Variants in PLEKHM3 observed in about 807,000 individuals in gnomAD.
PLEKHM3 encodes pleckstrin homology domain containing M3.
A neutral mutation model predicts 81.8 loss-of-function variants in PLEKHM3; 45 were observed. The ratio of observed to expected loss-of-function variants is 0.55; its 90% CI spans 0.43 to 0.71. The LOEUF is 0.71. PLEKHM3 is among the 30% of genes least tolerant of loss of function. PLEKHM3 has a pLI of 0.00. For missense variants in PLEKHM3, 788 were observed against 924.3 expected, an observed-to-expected ratio of 0.85 and a Z score of 1.91; for synonymous variants, 352 against 356.4, an observed-to-expected ratio of 0.99 and a Z score of 0.14.
intron 7 of PLEKHM3, among the ~76,000 whole-genome samples, chr2:207,834,257 A>G (rs2092305049): frequency 6.7e-6 from 1 of 150,104 alleles, no homozygotes; most frequent in Non-Finnish European, 1.5e-5. Flanking sequence ...AGCCTTCCCA[A>G]GTAGCTGGGA....
chr2:207,865,801 A>AAAATATATATAT, intron 6 of PLEKHM3, among the ~76,000 whole-genome samples: 5 of 25,300 alleles, frequency 2.0e-4, no homozygotes, highest in East Asian at 1.1e-3. Context: ...AAAAAAAAAA[A>AAAATATATATAT]AGATATATAT....
At chr2:207,829,743 A>G (rs2092274595) in intron 7 of PLEKHM3, among the ~76,000 whole-genome samples, 1 of 152,194 alleles carries the variant, frequency 6.6e-6, no homozygotes, top group Non-Finnish European at 1.5e-5. Context: ...TTCAGCCTGC[A>G]GCATTCAGGG....
intron 6 of PLEKHM3, among the ~76,000 whole-genome samples, chr2:207,876,042 A>T (rs1208315402): frequency 3.3e-5 from 5 of 152,234 alleles, no homozygotes; most frequent in Admixed American, 6.5e-5. Context: ...GTCTGATCCC[A>T]TTACAAATAT....
At chr2:207,897,227 C>T (rs1688255094) in intron 6 of PLEKHM3, among the ~76,000 whole-genome samples, 1 of 152,228 alleles carries the variant, frequency 6.6e-6, no homozygotes, top group African/African-American at 2.4e-5. Context: ...GGCCTAGATT[C>T]CCCTACGGAA....
At chr2:207,967,621 C>T (rs563312731) in intron 3 of PLEKHM3, among the ~76,000 whole-genome samples, 14 of 152,272 alleles carry the variant, frequency 9.2e-5, no homozygotes, top group South Asian at 6.2e-4. Flanking sequence ...GAGCAAATAC[C>T]ATTAGGTTGG....
At chr2:207,868,274 A>AT (rs34177402) in intron 6 of PLEKHM3, among the ~76,000 whole-genome samples, 45,468 of 124,472 alleles carry the variant, frequency 0.37, 6,872 homozygotes, top group Middle Eastern at 0.43. Context: ...GCTTATTATT[A>AT]TTTTTTTTTT....
At chr2:207,847,989 G>C (rs1011122166) in intron 7 of PLEKHM3, among the ~76,000 whole-genome samples, 7 of 152,218 alleles carry the variant, frequency 4.6e-5, no homozygotes, top group African/African-American at 1.7e-4. Context: ...TGCCCTGACA[G>C]TGTTTGTTTT....
chr2:207,954,311 G>C (rs1214763679), intron 3 of PLEKHM3, among the ~76,000 whole-genome samples: 1 of 152,116 alleles, frequency 6.6e-6, no homozygotes, highest in Admixed American at 6.5e-5. Flanking sequence ...AGCTATTATT[G>C]TACCACTGCA....
intron 6 of PLEKHM3, among the ~76,000 whole-genome samples, chr2:207,889,620 A>ACTCAAAG (rs1687991976): frequency 6.6e-6 from 1 of 152,026 alleles, no homozygotes; most frequent in South Asian, 2.1e-4. Flanking sequence ...ATTCAAGCGT[A>ACTCAAAG]CTCAAAGCTC....
chr2:208,019,436 C>T (rs1451553126), intron 1 of PLEKHM3, among the ~76,000 whole-genome samples: 1 of 152,124 alleles, frequency 6.6e-6, no homozygotes, highest in Non-Finnish European at 1.5e-5. Flanking sequence ...ACCTCCCACC[C>T]ACACACACAA....
chr2:207,889,813 A>AT (rs1413485349), intron 6 of PLEKHM3, among the ~76,000 whole-genome samples: 3 of 150,730 alleles, frequency 2.0e-5, no homozygotes, highest in Non-Finnish European at 3.0e-5. Context: ...TTTCCCTCTT[A>AT]TTTTTTTTGA....
At chr2:207,865,398 CA>C (rs1438438764) in intron 6 of PLEKHM3, among the ~76,000 whole-genome samples, 13 of 152,126 alleles carry the variant, frequency 8.5e-5, no homozygotes, top group South Asian at 8.3e-4. Context: ...TAGGGCATTC[CA>C]CTAACCCTCT....
chr2:207,936,846 AGTGTGTGTGTGTGTGT>A (rs57642698), intron 4 of PLEKHM3, among the ~76,000 whole-genome samples: 8 of 146,800 alleles, frequency 5.4e-5, no homozygotes, highest in Non-Finnish European at 1.2e-4. Flanking sequence ...TAGATAAATT[AGTGTGTGTGTGTGTGT>A]GTGTGTGTGT....
intron 4 of PLEKHM3, among the ~76,000 whole-genome samples, chr2:207,932,256 T>C (rs965886915): frequency 5.3e-5 from 8 of 152,112 alleles, no homozygotes; most frequent in African/African-American, 9.7e-5. Flanking sequence ...TAGAAACAAA[T>C]AGTACATGGA....
At chr2:208,004,427 A>G (rs1692427454) in intron 1 of PLEKHM3, among the ~76,000 whole-genome samples, 1 of 152,160 alleles carries the variant, frequency 6.6e-6, no homozygotes, top group African/African-American at 2.4e-5. Context: ...CAAAAAAAAA[A>G]AAAAATGTAT....
intron 4 of PLEKHM3, among the ~76,000 whole-genome samples, chr2:207,931,960 G>A (rs1162208200): frequency 2.0e-5 from 3 of 152,180 alleles, no homozygotes; most frequent in African/African-American, 4.8e-5. Context: ...GCAACAGAGC[G>A]AGACTCCATC....
intron 7 of PLEKHM3, among the ~76,000 whole-genome samples, chr2:207,828,729 T>C (rs1441566649): frequency 4.6e-5 from 7 of 152,068 alleles, no homozygotes; most frequent in African/African-American, 1.7e-4. Flanking sequence ...GGCTTATGAG[T>C]GGGGGGGAGT....
At chr2:207,933,858 C>G (rs1302551947) in intron 4 of PLEKHM3, among the ~76,000 whole-genome samples, 1 of 152,198 alleles carries the variant, frequency 6.6e-6, no homozygotes, top group Non-Finnish European at 1.5e-5. Context: ...TGCCTGAGTA[C>G]ATGAACAAAT....
chr2:207,992,884 T>C (rs1408669233), intron 2 of PLEKHM3, among the ~76,000 whole-genome samples: 2 of 152,110 alleles, frequency 1.3e-5, no homozygotes, highest in Non-Finnish European at 2.9e-5. Flanking sequence ...GCCCAGGAGC[T>C]TGAAAGCACA....
Sources: gnomAD v4.1 joint callset for allele counts (sites outside exome capture counted in the v4.1 genomes callset) on GRCh38, gnomAD v4.1.1 for gene constraint, MANE v1.5 for transcripts, NCBI Gene and HGNC (gene_info 2026-07-23, HGNC 2026-07-21) for gene names.